The following ARID1B variants were observed in gnomAD, a reference collection of about 807,000 sequenced individuals.
ARID1B encodes the protein AT-rich interactive domain-containing protein 1B.
ARID1B carries 30 observed loss-of-function variants against 212.3 expected under a neutral mutation model. The ratio of observed to expected loss-of-function variants is 0.14; its 90% confidence interval spans 0.11 to 0.19. The LOEUF (loss-of-function observed/expected upper bound fraction) is 0.19. Among genes scored for constraint, ARID1B ranks in the 10% least tolerant of loss-of-function variants. ARID1B has a pLI of 1.00. For missense variants in ARID1B, 2,891 were observed against 3,204.0 expected (o/e 0.90, Z 2.36); for synonymous variants, 1,402 against 1,301.7 (o/e 1.08, Z -1.66).
chr6:157,186,220 G>A (rs1227491311), intron 13 of ARID1B: 4 of 333,408 alleles, frequency 1.2e-5, no homozygotes, highest in Non-Finnish European at 2.4e-5. Flanking sequence ...TCAGAAAGTG[G>A]AGGGCCTGTT....
chr6:157,132,686 C>T (rs773409283), intron 6 of ARID1B, among the ~76,000 whole-genome samples: 4 of 152,168 alleles, frequency 2.6e-5, no homozygotes, highest in Non-Finnish European at 4.4e-5. Context: ...AGAGGGTTTG[C>T]AGTACAGCAG....
At chr6:156,933,093 A>T (rs1365552029) in intron 3 of ARID1B, among the ~76,000 whole-genome samples, 1 of 152,232 alleles carries the variant, frequency 6.6e-6, no homozygotes, top group Non-Finnish European at 1.5e-5. Context: ...CTAAATTGAA[A>T]TGTTTATCCA....
intron 3 of ARID1B, among the ~76,000 whole-genome samples, chr6:156,905,246 G>GCACACACA (rs1332724351): frequency 2.1e-4 from 16 of 76,044 alleles, no homozygotes; most frequent in African/African-American, 1.2e-3. Flanking sequence ...GCTCACATAT[G>GCACACACA]CACGCACACA....
intron 13 of ARID1B, 67 bp downstream of exon 13, chr6:157,184,502 A>G (rs529570920): frequency 1.9e-6 from 3 of 1,581,950 alleles, no homozygotes; most frequent in Non-Finnish European, 1.7e-6. Flanking sequence ...GGTTCCGGGA[A>G]GGTGGTTTCA....
chr6:156,923,704 C>CTT (rs775655637), intron 3 of ARID1B, among the ~76,000 whole-genome samples: 5 of 140,128 alleles, frequency 3.6e-5, no homozygotes, highest in Admixed American at 7.2e-5. Context: ...AGTTGATTCT[C>CTT]TTTTTTTTTT....
intron 4 of ARID1B, 75 bp from the exon 5 acceptor site, chr6:157,084,587 T>C (rs1371089174): frequency 2.0e-6 from 3 of 1,536,468 alleles, no homozygotes; most frequent in African/African-American, 1.4e-5. Flanking sequence ...GACGTCATTA[T>C]GATTTTCAAG....
chr6:156,919,407 G>C (rs1325779916), intron 3 of ARID1B, among the ~76,000 whole-genome samples: 1 of 151,416 alleles, frequency 6.6e-6, no homozygotes, highest in Admixed American at 6.6e-5. Flanking sequence ...TCTAGTACCA[G>C]AATTAAAACC....
chr6:157,121,904 A>G (rs1787748898), intron 6 of ARID1B, among the ~76,000 whole-genome samples: 1 of 152,242 alleles, frequency 6.6e-6, no homozygotes, highest in South Asian at 2.1e-4. Context: ...CTGGGATTAC[A>G]GGCGTGAGCC....
chr6:157,164,260 T>C (rs145374470), intron 8 of ARID1B, among the ~76,000 whole-genome samples: 1 of 152,214 alleles, frequency 6.6e-6, no homozygotes, highest in African/African-American at 2.4e-5. Flanking sequence ...AACCAGCAAC[T>C]GACATCCAAG....
At chr6:157,036,722 TGCCAG>T in intron 4 of ARID1B, 1 of 424,842 alleles carries the variant, frequency 2.4e-6, no homozygotes, top group East Asian at 5.5e-5. Context: ...ATAAATGGAA[TGCCAG>T]TTTTCTCAGA....
chr6:157,129,360 C>T (rs1788372092), intron 6 of ARID1B, among the ~76,000 whole-genome samples: 1 of 152,144 alleles, frequency 6.6e-6, no homozygotes. Flanking sequence ...CCTTCCATTC[C>T]CAGTCCACTG....
At chr6:156,791,341 A>G (rs1355319913) in intron 1 of ARID1B, among the ~76,000 whole-genome samples, 2 of 152,244 alleles carry the variant, frequency 1.3e-5, no homozygotes, top group Non-Finnish European at 2.9e-5. Context: ...ACATGAAATA[A>G]ACGAGGTAAT....
At chr6:156,929,081 A>G (rs1297641147) in intron 3 of ARID1B, among the ~76,000 whole-genome samples, 1 of 152,184 alleles carries the variant, frequency 6.6e-6, no homozygotes, top group Non-Finnish European at 1.5e-5. Flanking sequence ...AGCTCTGCAA[A>G]TGACTTCAGT....
At chr6:157,110,155 G>C (rs1361070578) in intron 5 of ARID1B, among the ~76,000 whole-genome samples, 1 of 152,156 alleles carries the variant, frequency 6.6e-6, no homozygotes, top group Non-Finnish European at 1.5e-5. Context: ...GTTTGGCCCA[G>C]CTCTCCTACG....
At chr6:157,196,092 G>T (rs1276363818) in intron 15 of ARID1B, 73 bp from the exon 16 acceptor site, 1 of 1,558,646 alleles carries the variant, frequency 6.4e-7, no homozygotes, top group Non-Finnish European at 8.7e-7. Flanking sequence ...CAATAGAGAT[G>T]ACTAGAAGGG....
chr6:157,007,990 T>C (rs1779348642), intron 4 of ARID1B, among the ~76,000 whole-genome samples: 1 of 152,200 alleles, frequency 6.6e-6, no homozygotes, highest in Non-Finnish European at 1.5e-5. Context: ...AAGCCCTAAG[T>C]TTTAAAAACT....
intron 2 of ARID1B, among the ~76,000 whole-genome samples, chr6:156,848,930 G>A (rs1027204443): frequency 1.3e-5 from 2 of 152,210 alleles, no homozygotes; most frequent in African/African-American, 2.4e-5. Flanking sequence ...CAATAACCAA[G>A]GAGACAACTT....
At chr6:156,881,058 A>G (rs934672347) in intron 2 of ARID1B, among the ~76,000 whole-genome samples, 7 of 152,194 alleles carry the variant, frequency 4.6e-5, no homozygotes, top group Admixed American at 2.0e-4. Flanking sequence ...ATGCACTGAC[A>G]GTGACAGCGT....
At chr6:156,944,063 A>G (rs1266714656) in intron 4 of ARID1B, among the ~76,000 whole-genome samples, 1 of 152,228 alleles carries the variant, frequency 6.6e-6, no homozygotes, top group Non-Finnish European at 1.5e-5. Context: ...TGTTTCTTTG[A>G]AAAATGAGTA....
Sources: gnomAD v4.1 joint callset for allele counts (sites outside exome capture counted in the v4.1 genomes callset) on GRCh38, gnomAD v4.1.1 for gene constraint, MANE v1.5 for transcripts, NCBI Gene and HGNC (gene_info 2026-07-23, HGNC 2026-07-21) for gene names.